The following BEND7 variants were observed in gnomAD, a reference collection of about 807,000 sequenced individuals.
The protein encoded by BEND7 is BEN domain containing 7.
BEND7 carries 28 observed loss-of-function variants against 50.9 expected under a neutral mutation model. That is an observed-to-expected ratio of 0.55 (90% confidence interval 0.41 to 0.75). BEND7 has a LOEUF of 0.75. BEND7 is among the 30% of genes least tolerant of loss of function. The pLI is 0.00. For missense variants in BEND7, 477 were observed against 491.3 expected, an observed-to-expected ratio of 0.97 and a Z score of 0.28; for synonymous variants, 170 against 183.9, an observed-to-expected ratio of 0.92 and a Z score of 0.61.
intron 2 of BEND7, among the ~76,000 whole-genome samples, chr10:13,515,745 C>T (rs769299905): frequency 2.6e-5 from 4 of 152,132 alleles, no homozygotes; most frequent in Non-Finnish European, 4.4e-5. Flanking sequence ...AGACAATGGA[C>T]GAGGGTGGTG....
intron 3 of BEND7, 119 bp from the exon 4 acceptor site, chr10:13,497,007 A>T (rs535865055): frequency 7.9e-7 from 1 of 1,267,868 alleles, no homozygotes; most frequent in South Asian, 1.6e-5. Flanking sequence ...ATGTGCAATT[A>T]TGATGAAGCT....
chr10:13,441,246 ATAT>A lies in BEND7; in HGVS notation c.*494_*496del. On this transcript the variant is annotated 3_prime_UTR_variant, in exon 9 of 9. Coordinates refer to ENST00000466271, the MANE Select transcript of BEND7 (RefSeq NM_001369863.1). ...AATTTTAAAAAATCTAAATATTTAC[ATAT>A]TAATAAAACATATATACAGAAGATT... The A allele has an allele frequency of 1.1e-6, 1 of 904,580 alleles. No individual in the cohort carries two copies. The highest frequency in any genetic ancestry group is 1.3e-6 in the Non-Finnish European group (1 of 756,382). 56.0% of individuals were successfully genotyped at this position (904,580 alleles called of 1,614,324 possible).
At chr10:13,513,257 G>A (rs979807379) in intron 2 of BEND7, among the ~76,000 whole-genome samples, 4 of 152,050 alleles carry the variant, frequency 2.6e-5, no homozygotes, top group African/African-American at 9.7e-5. Context: ...GTTTTAGGAC[G>A]CTGGCCTAGG....
chr10:13,461,578 C>T (rs1840219521), intron 6 of BEND7, among the ~76,000 whole-genome samples: 1 of 152,074 alleles, frequency 6.6e-6, no homozygotes, highest in African/African-American at 2.4e-5. Flanking sequence ...ACCAAAAATA[C>T]AAAAATTAGC....
At chr10:13,465,396 T>C (rs1430203269) in intron 6 of BEND7, among the ~76,000 whole-genome samples, 1 of 152,246 alleles carries the variant, frequency 6.6e-6, no homozygotes, top group Non-Finnish European at 1.5e-5. Context: ...GACATGAGAC[T>C]TTAGCAGGAG....
At chr10:13,490,948 C>T (rs536061801) in intron 5 of BEND7, among the ~76,000 whole-genome samples, 2 of 152,074 alleles carry the variant, frequency 1.3e-5, no homozygotes, top group Non-Finnish European at 2.9e-5. Context: ...GGACTATAGG[C>T]ATGTGCCACC....
chr10:13,454,664 T>C lies in BEND7; in HGVS notation c.1064-2006A>G, dbSNP rs902955143. ...GAGATACCAGAGCATACAACAGCAG[T>C]GGAGGGCCACCCAGCCTATTTGCAT... is the stretch of plus-strand genomic sequence containing the variant. On this transcript the variant is annotated intron_variant, in intron 6 of 8. Transcript: ENST00000466271. 3.3e-4 allele frequency among the ~76,000 whole-genome samples: 50 copies of C among 152,104 alleles called. 2 individuals are homozygous for C. The highest frequency in any genetic ancestry group is 7.4e-5 in the Non-Finnish European group (5 of 68,000).
intron 6 of BEND7, among the ~76,000 whole-genome samples, chr10:13,464,613 T>C (rs1051222643): frequency 7.9e-5 from 12 of 152,168 alleles, no homozygotes; most frequent in African/African-American, 2.4e-4. Flanking sequence ...AAATTATTAA[T>C]AATAGCTGTT....
chr10:13,516,516 G>A (rs10737073), intron 2 of BEND7, among the ~76,000 whole-genome samples: 119,492 of 152,098 alleles, frequency 0.79, 47,141 homozygotes, highest in Non-Finnish European at 0.81. Context: ...GCTTGAAGTC[G>A]GGAGTTCAAG....
chr10:13,492,031 C>T (rs61004378), intron 5 of BEND7, among the ~76,000 whole-genome samples: 3,237 of 151,572 alleles, frequency 0.021, 108 homozygotes, highest in African/African-American at 0.072. Flanking sequence ...ATGGTTATCT[C>T]GGATGTCATC....
intron 5 of BEND7, among the ~76,000 whole-genome samples, chr10:13,491,626 A>C (rs2076671069): frequency 6.6e-6 from 1 of 151,872 alleles, no homozygotes; most frequent in African/African-American, 2.4e-5. Context: ...ACAACTTTCC[A>C]ATCTAAAAAA....
intron 6 of BEND7, among the ~76,000 whole-genome samples, chr10:13,463,260 T>C (rs1484825321): frequency 6.6e-6 from 1 of 152,222 alleles, no homozygotes; most frequent in Non-Finnish European, 1.5e-5. Context: ...TCAGCCCATT[T>C]ATGGGTTAGA....
intron 6 of BEND7, among the ~76,000 whole-genome samples, chr10:13,461,975 A>G (rs1167940884): frequency 3.9e-5 from 6 of 152,208 alleles, no homozygotes; most frequent in African/African-American, 1.4e-4. Flanking sequence ...ATTTAAAATA[A>G]TGAAACACAT....
At chr10:13,461,732 T>TAAA (rs58348419) in intron 6 of BEND7, among the ~76,000 whole-genome samples, 1 of 147,216 alleles carries the variant, frequency 6.8e-6, no homozygotes, top group African/African-American at 2.5e-5. Context: ...GACTCCATCT[T>TAAA]AAAAAAAAAA....
At chr10:13,515,189 C>A (rs2132540714) in intron 2 of BEND7, among the ~76,000 whole-genome samples, 1 of 152,306 alleles carries the variant, frequency 6.6e-6, no homozygotes, top group African/African-American at 2.4e-5. Flanking sequence ...CATTTCAGCT[C>A]AAGTTTATAT....
chr10:13,488,690 T>C (rs10906392), intron 5 of BEND7, among the ~76,000 whole-genome samples: 113,847 of 152,012 alleles, frequency 0.75, 45,872 homozygotes, highest in Non-Finnish European at 0.89. Flanking sequence ...GGTTTCACCA[T>C]GTTGGCCAGG....
chr10:13,504,924 C>T (rs1025518370), intron 2 of BEND7, among the ~76,000 whole-genome samples: 3 of 152,158 alleles, frequency 2.0e-5, no homozygotes, highest in African/African-American at 7.2e-5. Context: ...GACACATAGT[C>T]TTGCAGGATC....
At chr10:13,496,673 A>C in intron 4 of BEND7, 93 bp downstream of exon 4, 1 of 1,399,050 alleles carries the variant, frequency 7.1e-7, no homozygotes, top group Non-Finnish European at 9.7e-7. Flanking sequence ...GGTGAGAAGA[A>C]GGCTTTAATA....
chr10:13,455,373 G>A (rs1193421742), intron 6 of BEND7, among the ~76,000 whole-genome samples: 3 of 152,002 alleles, frequency 2.0e-5, no homozygotes, highest in East Asian at 3.9e-4. Flanking sequence ...GGAGAGTGGA[G>A]GGGAGGCCAC....
Sources: gnomAD v4.1 joint callset for allele counts (sites outside exome capture counted in the v4.1 genomes callset) on GRCh38, gnomAD v4.1.1 for gene constraint, MANE v1.5 for transcripts, NCBI Gene and HGNC (gene_info 2026-07-23, HGNC 2026-07-21) for gene names.